RBFOX1: variants seen among roughly 807,000 people sequenced by gnomAD.
The protein encoded by RBFOX1 is RNA binding protein fox-1 homolog 1.
RBFOX1 carries 8 observed loss-of-function variants against 57.7 expected under a neutral mutation model. That is an observed-to-expected ratio of 0.14 (90% CI 0.08 to 0.25). The LOEUF (loss-of-function observed/expected upper bound fraction) is 0.25. Ranked by LOEUF, RBFOX1 falls within the 10% of genes least tolerant of loss-of-function variation. The probability of loss-of-function intolerance (pLI) is 1.00; values close to 1 mark genes in which losing one functional copy is unlikely to be tolerated. For missense variants in RBFOX1, 611 were observed against 548.5 expected, an observed-to-expected ratio of 1.11 and a Z score of -1.14; for synonymous variants, 326 against 222.4, an observed-to-expected ratio of 1.47 and a Z score of -4.15.
chr16:6,348,345 G>A (rs542620606), intron 2 of RBFOX1, among the ~76,000 whole-genome samples: 2 of 152,258 alleles, frequency 1.3e-5, no homozygotes, highest in South Asian at 2.1e-4. Flanking sequence ...GCTTCTTGGA[G>A]AATTGAATGA....
chr16:7,309,260 C>T (rs898190701), intron 4 of RBFOX1, among the ~76,000 whole-genome samples: 2 of 152,322 alleles, frequency 1.3e-5, no homozygotes, highest in African/African-American at 2.4e-5. Context: ...CCAGGTAAGG[C>T]CCACATTTCA....
chr16:6,785,930 T>TTG (rs1490866605), intron 3 of RBFOX1, among the ~76,000 whole-genome samples: 2 of 152,214 alleles, frequency 1.3e-5, no homozygotes, highest in Non-Finnish European at 2.9e-5. Flanking sequence ...CTGAGGAACC[T>TTG]TGTGTACATG....
chr16:5,427,988 A>G (rs1459389141), intron 1 of RBFOX1, among the ~76,000 whole-genome samples: 1 of 152,144 alleles, frequency 6.6e-6, no homozygotes, highest in Non-Finnish European at 1.5e-5. Flanking sequence ...TGCCATCCAC[A>G]CTGACATTGT....
chr16:5,575,900 T>C (rs2046436312), intron 2 of RBFOX1, among the ~76,000 whole-genome samples: 1 of 151,266 alleles, frequency 6.6e-6, no homozygotes. Context: ...TTGCAGCAAA[T>C]GGGTCACGCA....
At chr16:6,509,369 C>T (rs560948326) in intron 2 of RBFOX1, among the ~76,000 whole-genome samples, 1 of 152,254 alleles carries the variant, frequency 6.6e-6, no homozygotes, top group South Asian at 2.1e-4. Flanking sequence ...AGAATGAGAT[C>T]CTGTCATTTG....
At chr16:7,260,493 A>T (rs1421140743) in intron 4 of RBFOX1, among the ~76,000 whole-genome samples, 1 of 151,908 alleles carries the variant, frequency 6.6e-6, no homozygotes, top group Non-Finnish European at 1.5e-5. Flanking sequence ...GTGCATATTG[A>T]TGTACTCTTT....
intron 1 of RBFOX1, among the ~76,000 whole-genome samples, chr16:6,313,615 G>A (rs1218781906): frequency 2.0e-5 from 3 of 152,104 alleles, no homozygotes; most frequent in African/African-American, 4.8e-5. Flanking sequence ...GGTGAAGGTA[G>A]CTAATGCATG....
chr16:7,305,032 C>G (rs957897130), intron 4 of RBFOX1, among the ~76,000 whole-genome samples: 3 of 150,416 alleles, frequency 2.0e-5, no homozygotes, highest in Non-Finnish European at 4.4e-5. Flanking sequence ...AGTGTGTCAG[C>G]CCCAGTCTGC....
intron 2 of RBFOX1, among the ~76,000 whole-genome samples, chr16:6,532,809 C>T (rs1249461792): frequency 6.6e-6 from 1 of 152,144 alleles, no homozygotes; most frequent in African/African-American, 2.4e-5. Flanking sequence ...GTGCTCCTAG[C>T]ATGTACACAT....
intron 3 of RBFOX1, among the ~76,000 whole-genome samples, chr16:6,828,516 TG>T (rs2154283019): frequency 6.6e-6 from 1 of 150,472 alleles, no homozygotes; most frequent in East Asian, 2.0e-4. Context: ...GAGCGAGACG[TG>T]TCTTTAAAAA....
chr16:5,437,193 A>T (rs1020450424), intron 1 of RBFOX1, among the ~76,000 whole-genome samples: 1 of 152,216 alleles, frequency 6.6e-6, no homozygotes, highest in South Asian at 2.1e-4. Flanking sequence ...AAGATATCAT[A>T]GGAAAGAAGT....
chr16:5,252,383 A>G (rs1282305291), intron 1 of RBFOX1, among the ~76,000 whole-genome samples: 3 of 152,168 alleles, frequency 2.0e-5, no homozygotes, highest in South Asian at 2.1e-4. Flanking sequence ...CTAAAAAATG[A>G]TTTGTTGTTT....
intron 3 of RBFOX1, among the ~76,000 whole-genome samples, chr16:6,745,432 C>A (rs761335307): frequency 6.6e-6 from 1 of 152,032 alleles, no homozygotes; most frequent in Non-Finnish European, 1.5e-5. Flanking sequence ...TCTATTGACA[C>A]ATGAAAAGGA....
intron 1 of RBFOX1, among the ~76,000 whole-genome samples, chr16:6,163,058 A>ACGTTGTCTGG (rs1313376328): frequency 6.6e-6 from 1 of 152,172 alleles, no homozygotes; most frequent in Non-Finnish European, 1.5e-5. Context: ...GAGCAACAGC[A>ACGTTGTCTGG]ATAACTCCAG....
intron 3 of RBFOX1, among the ~76,000 whole-genome samples, chr16:6,657,944 C>T (rs762882974): frequency 6.6e-6 from 1 of 152,046 alleles, no homozygotes; most frequent in East Asian, 1.9e-4. Context: ...TCTTTCACCT[C>T]CCCTGGCTTT....
Position 6,312,280 on chromosome 16 carries a change from G to A in RBFOX1, c.-126-4715G>A, listed in dbSNP as rs552858907. On this transcript the variant is annotated intron_variant, in intron 1 of 15. Transcript: ENST00000550418. ...CAGGAAGAACCAGCATTTCTGAACC[G>A]CTGTGTAATCAGGAAACAAGGCAGC... Among the ~76,000 whole-genome samples the A allele has an allele frequency of 3.3e-5, 5 of 152,250 alleles. No individual in the cohort carries two copies. The East Asian group carries it at 5.8e-4, about 18-fold the overall frequency.
At chr16:6,525,728 G>T (rs1488506659) in intron 2 of RBFOX1, among the ~76,000 whole-genome samples, 1 of 151,920 alleles carries the variant, frequency 6.6e-6, no homozygotes, top group Admixed American at 6.6e-5. Context: ...GTGGTGGAAA[G>T]GAGGGAAGGG....
chr16:7,502,448 T>G (rs780304884), intron 4 of RBFOX1, among the ~76,000 whole-genome samples: 7 of 152,202 alleles, frequency 4.6e-5, no homozygotes, highest in Non-Finnish European at 8.8e-5. Context: ...AGGTGGTTGC[T>G]AAGTTTTCAC....
At chr16:5,336,806 T>C (rs2151286635) in intron 1 of RBFOX1, among the ~76,000 whole-genome samples, 1 of 152,310 alleles carries the variant, frequency 6.6e-6, no homozygotes, top group Non-Finnish European at 1.5e-5. Flanking sequence ...AGCTCACAAC[T>C]CTCAGGTGGA....
Sources: allele counts gnomAD v4.1 joint callset (sites outside exome capture counted in the v4.1 genomes callset), GRCh38; gene constraint gnomAD v4.1.1; transcripts MANE v1.5; gene names NCBI Gene and HGNC (gene_info 2026-07-23, HGNC 2026-07-21).